Variants in ERG observed in about 807,000 individuals in gnomAD.
The protein encoded by ERG is transcriptional regulator ERG.
Under a neutral mutation model 55.3 loss-of-function variants are expected in ERG, and 9 were observed. That is an observed-to-expected ratio of 0.16 (90% confidence interval 0.10 to 0.28). The LOEUF (loss-of-function observed/expected upper bound fraction) is 0.28, where lower values mean the gene tolerates loss of function less well. Among genes scored for constraint, ERG ranks in the 10% least tolerant of loss-of-function variants. ERG has a pLI of 1.00. For missense variants in ERG, 434 were observed against 631.6 expected, an observed-to-expected ratio of 0.69 and a Z score of 3.35; for synonymous variants, 223 against 237.3, an observed-to-expected ratio of 0.94 and a Z score of 0.55.
chr21:38,402,793 A>C (rs1601340380), intron 4 of ERG, among the ~76,000 whole-genome samples, 156 bp from the exon 5 acceptor site: 1 of 151,960 alleles, frequency 6.6e-6, no homozygotes, highest in Non-Finnish European at 1.5e-5. Flanking sequence ...TGGGAAGCTT[A>C]TAACTATTTC....
Position 38,383,505 on chromosome 21 carries a change from A to C in ERG, c.1338T>G (p.Phe446Leu). Residue 446 changes from phenylalanine (F) to leucine (L), a missense_variant, in exon 10 of 10, where the codon TTT becomes TTG. This residue lies in a region of ERG where 107 missense variants were observed against 126.8 expected (regional missense o/e 0.84). Transcript: ENST00000288319. The surrounding 1 kb of genome is among the most constrained non-coding windows in gnomAD (Gnocchi z 5.7). ...PALPVTSSSF[F>L]AAPNPYWNSP... ...AATTCCAGTATGGGTTTGGGGCAGCAAAAAAACTGGAAGATGTCACGGGGA... is the reference window on the plus strand; with the variant it reads ...AATTCCAGTATGGGTTTGGGGCAGCCAAAAAACTGGAAGATGTCACGGGGA... 6.4e-7 allele frequency: 1 copy of C among 1,557,214 alleles called. No homozygotes were observed. Among genetic ancestry groups the C allele is most frequent in the South Asian group, 1.2e-5 (1 of 81,644 alleles).
chr21:38,501,118 T>G (rs949210762), upstream of ERG, among the ~76,000 whole-genome samples: 3 of 135,194 alleles, frequency 2.2e-5, no homozygotes, highest in Non-Finnish European at 4.6e-5. Flanking sequence ...CAGGCTGGAG[T>G]GCAGTGGCGC....
chr21:38,583,958 G>A (rs549181158), intron 1 of ERG, among the ~76,000 whole-genome samples: 1 of 152,316 alleles, frequency 6.6e-6, no homozygotes, highest in South Asian at 2.1e-4. Context: ...ACAGCACTGG[G>A]AAAGGAAATC....
intron 1 of ERG, among the ~76,000 whole-genome samples, chr21:38,595,817 A>G (rs987677018): frequency 4.6e-5 from 7 of 152,102 alleles, no homozygotes; most frequent in Non-Finnish European, 8.8e-5. Flanking sequence ...CTTCCCACAC[A>G]CCTGCCTGGT....
chr21:38,403,251 C>G (rs1279976447), intron 4 of ERG, among the ~76,000 whole-genome samples: 1 of 152,110 alleles, frequency 6.6e-6, no homozygotes, highest in Non-Finnish European at 1.5e-5. Context: ...GTCGCAGGAC[C>G]CTGGAGGAGG....
chr21:38,467,662 A>G (rs1474467112), intron 1 of ERG, among the ~76,000 whole-genome samples: 1 of 152,212 alleles, frequency 6.6e-6, no homozygotes, highest in Admixed American at 6.5e-5. Context: ...ATAGAAATCT[A>G]TTAATTTGCA....
At chr21:38,417,995 A>C (rs1231935344) in intron 3 of ERG, among the ~76,000 whole-genome samples, 1 of 152,134 alleles carries the variant, frequency 6.6e-6, no homozygotes, top group Non-Finnish European at 1.5e-5. Context: ...CTAAAGAGTA[A>C]CAGTAACTAC....
intron 2 of ERG, among the ~76,000 whole-genome samples, chr21:38,432,425 C>T (rs1364403907): frequency 6.6e-6 from 1 of 152,180 alleles, no homozygotes; most frequent in Non-Finnish European, 1.5e-5. Flanking sequence ...TTCAAATTTA[C>T]CAACACTAAA....
intron 1 of ERG, among the ~76,000 whole-genome samples, chr21:38,459,613 G>A (rs887100975): frequency 6.6e-6 from 1 of 152,140 alleles, no homozygotes; most frequent in African/African-American, 2.4e-5. Context: ...AGGGGTGTGG[G>A]ACTGAGTCAG....
downstream of ERG, among the ~76,000 whole-genome samples, chr21:38,379,299 C>A (rs1987324493): frequency 6.6e-6 from 1 of 152,200 alleles, no homozygotes; most frequent in Admixed American, 6.5e-5. Context: ...GGGGTTTAAT[C>A]CTGCGACCTC....
chr21:38,650,059 T>C (rs750521222), intron 1 of ERG, among the ~76,000 whole-genome samples: 1 of 152,216 alleles, frequency 6.6e-6, no homozygotes, highest in Non-Finnish European at 1.5e-5. Context: ...GATTAGAGTC[T>C]AGAGAAGCCA....
chr21:38,383,293 G>A lies in ERG; in HGVS notation c.*110C>T, dbSNP rs180793374. The A allele has an allele frequency of 4.3e-5, 58 of 1,338,342 alleles. No homozygotes were observed. In the Middle Eastern group the frequency reaches 3.1e-3, roughly 70 times the overall value. 82.9% of individuals were successfully genotyped at this position (1,338,342 alleles called of 1,614,324 possible). A position where few individuals can be genotyped will look rare whatever the true frequency, so the allele number is the denominator to read the frequency against. Reference sequence around the variant, plus strand: ...TCCCCGGCTTCCTTCCCCAGCCCCAGTAAAGCTTTTTTCATTCCTCTTGAG... The same window carrying A: ...TCCCCGGCTTCCTTCCCCAGCCCCAATAAAGCTTTTTTCATTCCTCTTGAG... On this transcript the variant is annotated 3_prime_UTR_variant, in exon 10 of 10. Transcript: ENST00000288319. This position sits in a 1 kb window ranked among gnomAD's most constrained non-coding sequence, Gnocchi z 5.7.
intron 2 of ERG, among the ~76,000 whole-genome samples, chr21:38,439,019 GA>G (rs1438590595): frequency 6.6e-6 from 1 of 152,216 alleles, no homozygotes; most frequent in Non-Finnish European, 1.5e-5. Context: ...CACACCGGGG[GA>G]ACCCTCACTC....
chr21:38,585,792 C>T (rs2060060563), upstream of ERG, among the ~76,000 whole-genome samples: 1 of 151,882 alleles, frequency 6.6e-6, no homozygotes, highest in Non-Finnish European at 1.5e-5. Context: ...TAGGAAGCCC[C>T]CAGCCAACTC....
rs558661184 is a variant in ERG at position 38,608,335 on chromosome 21, T to G, written c.-149-23390A>C. Among the ~76,000 whole-genome samples, 5 of 152,314 alleles carry G rather than the reference T, an allele frequency of 3.3e-5. No homozygotes were observed. In the East Asian group the frequency reaches 9.6e-4, roughly 29 times the overall value. ...TAGCCACTTTACTATCAGGACAAGT[T>G]AGACTTTAGGATAAAATTATTTATT... On this transcript the variant is annotated intron_variant, in intron 1 of 10. Transcript: ENST00000398910.
At chr21:38,536,981 C>T (rs150330893) in intron 2 of ERG, among the ~76,000 whole-genome samples, 18 of 152,108 alleles carry the variant, frequency 1.2e-4, no homozygotes, top group African/African-American at 3.4e-4. Flanking sequence ...AGAATAGAGA[C>T]TTCAGAAATA....
At chr21:38,371,233 T>C in the ERG span, among the ~76,000 whole-genome samples, 57 of 152,182 alleles carry the variant, frequency 3.7e-4, no homozygotes, top group African/African-American at 1.4e-3. Flanking sequence ...AAAATGCAAT[T>C]GAATTTTGAT....
intron 1 of ERG, among the ~76,000 whole-genome samples, chr21:38,647,364 GCCATGCAT>G (rs1228967991): frequency 6.6e-6 from 1 of 152,150 alleles, no homozygotes; most frequent in Non-Finnish European, 1.5e-5. Context: ...TCGTATTTAA[GCCATGCAT>G]CCTCAAGGAG....
chr21:38,374,423 C>T, the ERG span, among the ~76,000 whole-genome samples: 1 of 152,250 alleles, frequency 6.6e-6, no homozygotes, highest in East Asian at 1.9e-4. Context: ...TGTGGACTTC[C>T]CGAGTAGAAA....
Sources: gnomAD v4.1 joint callset for allele counts (sites outside exome capture counted in the v4.1 genomes callset) on GRCh38, gnomAD v4.1.1 for gene constraint, gnomAD v4.1.1 regional missense constraint, Gnocchi (gnomAD v3.1) non-coding constraint, MANE v1.5 for transcripts, NCBI Gene and HGNC (gene_info 2026-07-23, HGNC 2026-07-21) for gene names.